NHSL1: variants seen among roughly 807,000 people sequenced by gnomAD.
NHSL1 encodes the protein NHS like 1.
In NHSL1, 48 loss-of-function variants were observed where a neutral mutation model predicts 95.0. The observed-to-expected ratio is 0.51, with a 90% CI of 0.40 to 0.64. The LOEUF is 0.64. Among genes scored for constraint, NHSL1 ranks in the 30% least tolerant of loss-of-function variants. The probability of loss-of-function intolerance (pLI) is 0.00; values close to 1 mark genes in which losing one functional copy is unlikely to be tolerated. For synonymous variants in NHSL1, 783 were observed against 833.9 expected, an observed-to-expected ratio of 0.94 and a Z score of 1.05; for missense variants, 1,971 against 2,077.7, an observed-to-expected ratio of 0.95 and a Z score of 1.00.
Position 138,432,056 on chromosome 6 carries a change from C to A in NHSL1, c.2289G>T (p.Thr763=), listed in dbSNP as rs376957802. 1.9e-4 allele frequency: 290 copies of A among 1,551,588 alleles called. No homozygotes were observed. Among genetic ancestry groups the A allele is most frequent in the Non-Finnish European group, 2.5e-4 (282 of 1,146,990 alleles). The change falls in exon 6 of 8, where the codon ACG becomes ACT. Residue 763 remains threonine (T), a synonymous_variant. Transcript: ENST00000343505. The surrounding 1 kb of genome is among the most constrained non-coding windows in gnomAD (Gnocchi z 4.4). The part of the protein sequence containing the change: ...TPNVYSLCGA[T]PSQSDTSSVK... ...CGCTGCTTGTGTCACTCTGCGATGG[C>A]GTGGCCCCGCACAGGGAGTAGACAT...
intron 1 of NHSL1, among the ~76,000 whole-genome samples, chr6:138,644,489 C>T (rs566590378): frequency 5.9e-5 from 9 of 152,182 alleles, no homozygotes; most frequent in African/African-American, 1.9e-4. Context: ...GGCAACAGAG[C>T]GAGATTCCAT....
rs1775805743 is a variant in NHSL1 at position 138,432,924 on chromosome 6, C to T, written c.1421G>A (p.Gly474Asp). 1.0e-5 allele frequency: 16 copies of T among 1,551,526 alleles called. No homozygotes were observed. The highest frequency in any genetic ancestry group is 1.4e-5 in the Non-Finnish European group (16 of 1,146,858). Residue 474 changes from glycine to aspartate, a missense_variant, in exon 6 of 8, where the codon GGC becomes GAC. Transcript: ENST00000343505. This position sits in a 1 kb window ranked among gnomAD's most constrained non-coding sequence, Gnocchi z 4.4. ...GTCCTGTGAAAGAATGGTGGCATGG[C>T]CCTCATTCCAGTGGCGACCGGGAGA... ...PQSPGRHWNE[G>D]HATILSQDLD... is the part of the protein sequence containing the mutation.
At chr6:138,438,880 T>TTA (rs765909181) in intron 5 of NHSL1, among the ~76,000 whole-genome samples, 36 of 151,522 alleles carry the variant, frequency 2.4e-4, no homozygotes, top group South Asian at 1.5e-3. Context: ...TAGCCAAGTG[T>TTA]TATATATATA....
rs182870258 is a variant in NHSL1, at chr6:138,535,926, T to C, written c.16+9697A>G. Among the ~76,000 whole-genome samples, 29 of 152,294 alleles carry C rather than the reference T, an allele frequency of 1.9e-4. 2 individuals carry two copies. The highest frequency in any genetic ancestry group is 6.5e-4 in the African/African-American group (27 of 41,570). On this transcript the variant is annotated intron_variant, in intron 1 of 4. Coordinates refer to the NHSL1 transcript ENST00000342260. ...CTCTCACTTCCCTACAGGGCATCCA[T>C]ACAGACTGATCTAATTTTAGACATG... is the stretch of plus-strand genomic sequence containing the variant.
At chr6:138,666,960 A>C (rs182284774) in intron 1 of NHSL1, among the ~76,000 whole-genome samples, 51 of 152,350 alleles carry the variant, frequency 3.3e-4, no homozygotes, top group Admixed American at 2.0e-3. Flanking sequence ...TAAATCCAAC[A>C]ATGTTTTTAG....
intron 3 of NHSL1, among the ~76,000 whole-genome samples, chr6:138,464,838 T>C (rs1421102015): frequency 1.3e-5 from 2 of 150,546 alleles, no homozygotes; most frequent in Admixed American, 1.3e-4. Context: ...TCAGCCTCTC[T>C]AGTAGCTGAG....
intron 1 of NHSL1, among the ~76,000 whole-genome samples, chr6:138,582,836 C>T (rs970535734): frequency 3.3e-5 from 5 of 152,168 alleles, no homozygotes; most frequent in Non-Finnish European, 7.3e-5. Context: ...TTTTACTCAC[C>T]CTTCAAAACT....
rs150061191 is a variant in NHSL1 at position 138,518,755 on chromosome 6, C to T, written c.17-22384G>A. 6.4e-3 allele frequency among the ~76,000 whole-genome samples: 972 copies of T among 152,254 alleles called. 21 individuals carry two copies. Among genetic ancestry groups the T allele is most frequent in the Admixed American group, 0.048 (733 of 15,286 alleles). On this transcript the variant is annotated intron_variant, in intron 1 of 4. Coordinates refer to the NHSL1 transcript ENST00000342260. ...ACTGAAGGCCAGGCGCAGTAGCTCA[C>T]GCCTGTAATCCCAGCACTTTAGGAG...
intron 1 of NHSL1, among the ~76,000 whole-genome samples, chr6:138,530,503 A>G (rs1034304577): frequency 3.9e-5 from 6 of 152,254 alleles, no homozygotes; most frequent in African/African-American, 1.4e-4. Context: ...ACAATTTGCA[A>G]TTGCAAAAAT....
At chr6:138,480,214 T>A (rs535376059) in intron 2 of NHSL1, among the ~76,000 whole-genome samples, 2 of 152,304 alleles carry the variant, frequency 1.3e-5, no homozygotes, top group African/African-American at 4.8e-5. Flanking sequence ...CTCCTGCAAA[T>A]CGTAGACCCA....
At chr6:138,505,871 C>T (rs1198076586) in intron 1 of NHSL1, among the ~76,000 whole-genome samples, 1 of 152,084 alleles carries the variant, frequency 6.6e-6, no homozygotes, top group African/African-American at 2.4e-5. Flanking sequence ...GGTGCTTTTA[C>T]TGATTGTTAA....
At chr6:138,559,241 G>C (rs780185572) in intron 1 of NHSL1, among the ~76,000 whole-genome samples, 1 of 152,224 alleles carries the variant, frequency 6.6e-6, no homozygotes, top group African/African-American at 2.4e-5. Context: ...GAAATCTACA[G>C]GATCAGGGCA....
chr6:138,598,401 TGA>T (rs1784328741), intron 1 of NHSL1, among the ~76,000 whole-genome samples: 1 of 150,648 alleles, frequency 6.6e-6, no homozygotes, highest in Admixed American at 6.6e-5. Flanking sequence ...GCAGTTGCAG[TGA>T]GTCAAGATTG....
intron 2 of NHSL1, among the ~76,000 whole-genome samples, chr6:138,474,251 C>T (rs1309136616): frequency 2.6e-5 from 4 of 152,186 alleles, no homozygotes; most frequent in Non-Finnish European, 5.9e-5. Context: ...CCACAGGGTT[C>T]CTTTAACTAT....
At chr6:138,588,228 C>A (rs1369604184) in intron 1 of NHSL1, among the ~76,000 whole-genome samples, 1 of 152,164 alleles carries the variant, frequency 6.6e-6, no homozygotes, top group African/African-American at 2.4e-5. Flanking sequence ...TTTGGGAAGC[C>A]CAGGCGGGCA....
At chr6:138,667,217 C>G (rs1249975283) in intron 1 of NHSL1, among the ~76,000 whole-genome samples, 1 of 152,124 alleles carries the variant, frequency 6.6e-6, no homozygotes, top group Admixed American at 6.6e-5. Context: ...GAATTGCAAC[C>G]CCAGCTACAG....
intron 1 of NHSL1, among the ~76,000 whole-genome samples, chr6:138,595,106 G>A (rs1229594498): frequency 6.6e-6 from 1 of 152,238 alleles, no homozygotes; most frequent in Non-Finnish European, 1.5e-5. Flanking sequence ...ATCACAGGGT[G>A]TAGGCCTCTG....
chr6:138,540,198 G>A (rs1562358595), intron 1 of NHSL1, among the ~76,000 whole-genome samples: 1 of 152,158 alleles, frequency 6.6e-6, no homozygotes, highest in African/African-American at 2.4e-5. Context: ...GAAAGAACCA[G>A]GAAGAATTGT....
At chr6:138,647,209 C>CA (rs1403180247) in intron 1 of NHSL1, among the ~76,000 whole-genome samples, 2 of 151,970 alleles carry the variant, frequency 1.3e-5, no homozygotes, top group Non-Finnish European at 2.9e-5. Context: ...CAAAACAAAA[C>CA]AAAAAAATGG....
Sources: allele counts gnomAD v4.1 joint callset (sites outside exome capture counted in the v4.1 genomes callset), GRCh38; gene constraint gnomAD v4.1.1; non-coding constraint Gnocchi (gnomAD v3.1); transcripts MANE v1.5; gene names NCBI Gene and HGNC (gene_info 2026-07-23, HGNC 2026-07-21).